Variants in ANKRD34C observed in about 807,000 individuals in gnomAD.
The protein encoded by ANKRD34C is ankyrin repeat domain 34C.
For missense variants in ANKRD34C, 563 were observed against 653.0 expected (o/e 0.86, Z 1.50); for synonymous variants, 260 against 253.6 (o/e 1.03, Z -0.24).
chr15:79,286,427 A>G (rs992556035), intron 1 of ANKRD34C, among the ~76,000 whole-genome samples: 1 of 152,230 alleles, frequency 6.6e-6, no homozygotes, highest in Admixed American at 6.5e-5. Flanking sequence ...GGAATGCTTC[A>G]GCTTTTTTCA....
rs554706518 is a variant in ANKRD34C, at chr15:79,290,668, A to G, written c.-44-2573A>G. ...AGCAAACTTGGAAGCTGCAAGAACT[A>G]CTTAGGCTTTGCCTTGGAAGTCACA... On this transcript the variant is annotated intron_variant, in intron 1 of 1. Coordinates refer to ENST00000421388, the MANE Select transcript of ANKRD34C (RefSeq NM_001146341.2). 4.6e-5 allele frequency among the ~76,000 whole-genome samples: 7 copies of G among 152,322 alleles called. No homozygotes were observed. In the South Asian group the frequency reaches 1.2e-3, roughly 27 times the overall value.
Position 79,294,783 on chromosome 15 carries a change from G to A in ANKRD34C, c.1499G>A (p.Ser500Asn). The change falls in exon 2 of 2, where the codon AGT (serine) becomes AAT (asparagine). Residue 500 changes from serine (S) to asparagine (N), a missense_variant. Transcript: ENST00000421388. ...AAATCTATGGTTCCTGTTGCTCCAA[G>A]TTCACCAAAGAGAGTTGACTTAAGA... ...GLKSMVPVAPSSPKRVDLRSK... is the reference protein window; with the variant it reads ...GLKSMVPVAPNSPKRVDLRSK... 6 of 1,551,720 alleles carry A rather than the reference G, an allele frequency of 3.9e-6. No individual in the cohort carries two copies. Among genetic ancestry groups the A allele is most frequent in the Non-Finnish European group, 5.2e-6 (6 of 1,146,990 alleles).
intron 1 of ANKRD34C, among the ~76,000 whole-genome samples, chr15:79,292,416 A>G (rs920164746): frequency 3.3e-5 from 5 of 152,230 alleles, no homozygotes; most frequent in African/African-American, 4.8e-5. Flanking sequence ...TCTGAGCTTT[A>G]TTTCCTAACA....
chr15:79,294,645 G>T lies in ANKRD34C; in HGVS notation c.1361G>T (p.Arg454Leu). The change falls in exon 2 of 2, where the codon CGC becomes CTC. Residue 454 changes from arginine to leucine, a missense_variant. Arg to Leu is a moderately radical substitution (Grantham distance 102). Transcript: ENST00000421388. ...GGTTCTGGAACTCTGCTCCTTGATC[G>T]CATTTCTCACACTAGGCCTGGCTTC... ...RRGSGTLLLD[R>L]ISHTRPGFLP... is the part of the protein sequence containing the mutation. The T allele has an allele frequency of 6.4e-7, 1 of 1,551,608 alleles. No individual in the cohort carries two copies. Among genetic ancestry groups the T allele is most frequent in the African/African-American group, 1.4e-5 (1 of 73,124 alleles).
intron 1 of ANKRD34C, among the ~76,000 whole-genome samples, chr15:79,291,599 CACAGAGAGAGAG>C (rs768731659): frequency 0.075 from 7,786 of 103,776 alleles, 239 homozygotes; most frequent in East Asian, 0.22. Context: ...CACACACACA[CACAGAGAGAGAG>C]AGAGAGAGAG....
At chr15:79,291,573 C>CAT (rs2058659265) in intron 1 of ANKRD34C, among the ~76,000 whole-genome samples, 1 of 113,292 alleles carries the variant, frequency 8.8e-6, no homozygotes, top group Non-Finnish European at 1.8e-5. Context: ...CACACACACA[C>CAT]ACACACACAC....
intron 1 of ANKRD34C, among the ~76,000 whole-genome samples, chr15:79,286,901 A>T (rs192052503): frequency 3.3e-4 from 50 of 152,212 alleles, no homozygotes; most frequent in African/African-American, 1.2e-3. Flanking sequence ...TCCCACCACC[A>T]CCATGCACTA....
At chr15:79,286,001 C>T (rs1458769702) in intron 1 of ANKRD34C, among the ~76,000 whole-genome samples, 2 of 152,084 alleles carry the variant, frequency 1.3e-5, no homozygotes, top group African/African-American at 4.8e-5. Context: ...CTTTTGGGGA[C>T]AATAAAATAA....
rs2058668363 is a variant in ANKRD34C, at chr15:79,294,709, A to G, written c.1425A>G (p.Pro475=). The G allele has an allele frequency of 1.3e-6, 2 of 1,551,614 alleles. No individual in the cohort carries two copies. The highest frequency in any genetic ancestry group is 1.2e-5 in the South Asian group (1 of 84,068). The change falls in exon 2 of 2, where the codon CCA becomes CCG. Residue 475 remains proline (P), a synonymous_variant. Coordinates refer to ENST00000421388, the MANE Select transcript of ANKRD34C (RefSeq NM_001146341.2). ...PLNVNLNPPI[P]DIRSSSKPSC... ...ATGTGAATCTGAACCCGCCTATTCC[A>G]GATATTAGATCTAGCAGCAAACCTT...
rs2058672175 is a variant in ANKRD34C, at chr15:79,296,256, A to G, written c.*1364A>G. ...CTGCGTGACCTTGAGGAGGCAGCTT[A>G]ACTTCTCTTAGTCTCTGTTCCCTCA... is the stretch of plus-strand genomic sequence containing the variant. On this transcript the variant is annotated 3_prime_UTR_variant, in exon 2 of 2. Coordinates refer to ENST00000421388, the MANE Select transcript of ANKRD34C (RefSeq NM_001146341.2). 1 of 166,696 alleles carries G rather than the reference A, an allele frequency of 6.0e-6. No homozygotes were observed. The highest frequency in any genetic ancestry group is 2.1e-4 in the South Asian group (1 of 4,830). The allele number at this position is 166,696 out of a possible 1,614,324, so 10.3% of individuals were successfully genotyped here.
At position 79,293,566 on chromosome 15, in the gene ANKRD34C, C is replaced by T; in HGVS notation, c.282C>T (p.Ile94=). 2 of 1,551,666 alleles carry T rather than the reference C, an allele frequency of 1.3e-6. No individual in the cohort carries two copies. Among genetic ancestry groups the T allele is most frequent in the Non-Finnish European group, 8.7e-7 (1 of 1,146,972 alleles). Residue 94 remains isoleucine (I), a synonymous_variant, in exon 2 of 2, where the codon ATC becomes ATT. Coordinates refer to ENST00000421388, the MANE Select transcript of ANKRD34C (RefSeq NM_001146341.2). ...SGKTALIHAC[I]RRAGGEVVSL... Reference sequence around the variant, plus strand: ...AGACTGCCCTCATCCATGCCTGTATCAGAAGAGCTGGGGGAGAAGTGGTCT... The same window carrying T: ...AGACTGCCCTCATCCATGCCTGTATTAGAAGAGCTGGGGGAGAAGTGGTCT...
At position 79,294,026 on chromosome 15, in the gene ANKRD34C, A is replaced by C. The variant is rs760351875; in HGVS notation, c.742A>C (p.Lys248Gln). 11 of 1,551,648 alleles carry C rather than the reference A, an allele frequency of 7.1e-6. No homozygotes were observed. In the South Asian group the frequency reaches 1.3e-4, roughly 18 times the overall value. Reference sequence around the variant, plus strand: ...CAAAAGGGCCCGTTTGCCTCAACTGAAGAGGCTCCAGTCTGAACCTTGGGG... The same window carrying C: ...CAAAAGGGCCCGTTTGCCTCAACTGCAGAGGCTCCAGTCTGAACCTTGGGG... ...NLKRARLPQLKRLQSEPWGLI... is the reference protein window; with the variant it reads ...NLKRARLPQLQRLQSEPWGLI... The change falls in exon 2 of 2, where the codon AAG (lysine) becomes CAG (glutamine). Residue 248 changes from lysine (K) to glutamine (Q), a missense_variant. By Grantham distance (53) the Lys-to-Gln change is moderately conservative (BLOSUM62 1). Coordinates refer to ENST00000421388, the MANE Select transcript of ANKRD34C (RefSeq NM_001146341.2).
chr15:79,293,180 C>A (rs530593849), intron 1 of ANKRD34C, 61 bp from the exon 2 acceptor site: 12 of 1,247,656 alleles, frequency 9.6e-6, no homozygotes, highest in South Asian at 1.7e-5. Flanking sequence ...CCCGTAATAA[C>A]CATGCTGCAC....
At chr15:79,285,208 A>C (rs1247597334) in intron 1 of ANKRD34C, among the ~76,000 whole-genome samples, 1 of 152,200 alleles carries the variant, frequency 6.6e-6, no homozygotes, top group African/African-American at 2.4e-5. Flanking sequence ...TCTGGTCTCT[A>C]AGTACTAGAA....
intron 1 of ANKRD34C, among the ~76,000 whole-genome samples, chr15:79,287,857 G>A (rs1336648055): frequency 3.9e-5 from 6 of 152,176 alleles, no homozygotes; most frequent in Non-Finnish European, 7.3e-5. Flanking sequence ...ATCCATGAAC[G>A]CAGCTCTTAC....
intron 1 of ANKRD34C, among the ~76,000 whole-genome samples, chr15:79,288,089 G>A (rs1238887760): frequency 6.6e-6 from 1 of 152,200 alleles, no homozygotes; most frequent in African/African-American, 2.4e-5. Flanking sequence ...ATGACCATGG[G>A]CAAGCCACTT....
Position 79,293,724 on chromosome 15 carries a change from A to T in ANKRD34C, c.440A>T (p.Lys147Met). The change falls in exon 2 of 2, where the codon AAG (lysine) becomes ATG (methionine). Residue 147 changes from lysine to methionine, a missense_variant. Physicochemically the swap from Lys to Met is moderately conservative, Grantham distance 95. Transcript: ENST00000421388. ...HLLDACKAKG[K>M]EVIIITTDKS... ...CTTGATGCCTGCAAAGCCAAAGGGAAGGAGGTGATTATTATAACAACAGAT... is the reference window on the plus strand; with the variant it reads ...CTTGATGCCTGCAAAGCCAAAGGGATGGAGGTGATTATTATAACAACAGAT... 1 of 1,551,754 alleles carries T rather than the reference A, an allele frequency of 6.4e-7. No individual in the cohort carries two copies. Among genetic ancestry groups the T allele is most frequent in the South Asian group, 1.2e-5 (1 of 84,070 alleles).
intron 1 of ANKRD34C, among the ~76,000 whole-genome samples, chr15:79,285,692 G>T (rs1302128296): frequency 6.6e-6 from 1 of 152,196 alleles, no homozygotes. Context: ...AGACTACGGA[G>T]AATGACAGGG....
chr15:79,285,476 A>G lies in ANKRD34C; in HGVS notation c.-45+2248A>G, dbSNP rs1472988739. On this transcript the variant is annotated intron_variant, in intron 1 of 1. Transcript: ENST00000421388. ...ATAATGGTTCACATGAGCAAACCAT[A>G]CTTTAAAGTTTATATAAAGGTTTAC... is the stretch of plus-strand genomic sequence containing the variant. 2.6e-5 allele frequency among the ~76,000 whole-genome samples: 4 copies of G among 152,236 alleles called. No homozygotes were observed. The South Asian group carries it at 8.3e-4, about 32-fold the overall frequency.
Sources: gnomAD v4.1 joint callset for allele counts (sites outside exome capture counted in the v4.1 genomes callset) on GRCh38, gnomAD v4.1.1 for gene constraint, MANE v1.5 for transcripts, NCBI Gene and HGNC (gene_info 2026-07-23, HGNC 2026-07-21) for gene names.